The following BICC1 variants were observed in gnomAD, a reference collection of about 807,000 sequenced individuals.
BICC1 encodes protein bicaudal C homolog 1.
BICC1 carries 43 observed loss-of-function variants against 111.0 expected under a neutral mutation model. The ratio of observed to expected loss-of-function variants is 0.39; its 90% confidence interval spans 0.30 to 0.50. BICC1 has a LOEUF of 0.50. Ranked by LOEUF, BICC1 falls within the 20% of genes least tolerant of loss-of-function variation. The pLI is 0.88. For synonymous variants in BICC1, 467 were observed against 434.4 expected, an observed-to-expected ratio of 1.07 and a Z score of -0.93; for missense variants, 1,091 against 1,203.2, an observed-to-expected ratio of 0.91 and a Z score of 1.38.
At chr10:58,625,620 A>G (rs1235308491) in intron 2 of BICC1, among the ~76,000 whole-genome samples, 1 of 152,230 alleles carries the variant, frequency 6.6e-6, no homozygotes, top group Non-Finnish European at 1.5e-5. Context: ...CAGTAAGACT[A>G]AAACAATGAG....
intron 3 of BICC1, among the ~76,000 whole-genome samples, chr10:58,756,362 TG>T (rs879318459): frequency 4.3e-4 from 66 of 152,146 alleles, no homozygotes; most frequent in Non-Finnish European, 7.5e-4. Context: ...ATTTTGTGTG[TG>T]GGGGTGGAGA....
At chr10:58,513,836 AG>A (rs1842168655) in intron 1 of BICC1, among the ~76,000 whole-genome samples, 1 of 152,196 alleles carries the variant, frequency 6.6e-6, no homozygotes, top group Non-Finnish European at 1.5e-5. Flanking sequence ...TCAAGGCTTA[AG>A]ACAGGAGCTC....
rs1241518578 is a variant in BICC1 at position 58,783,249 on chromosome 10, G to A, written c.308-1752G>A. On this transcript the variant is annotated intron_variant, in intron 3 of 20. Coordinates refer to ENST00000373886, the MANE Select transcript of BICC1 (RefSeq NM_001080512.3). ...GAGACTCAAATTAGGCACAGCTGCTGGACATCTCCCCAGGAGGCCAGAGGC... is the reference window on the plus strand; with the variant it reads ...GAGACTCAAATTAGGCACAGCTGCTAGACATCTCCCCAGGAGGCCAGAGGC... Among the ~76,000 whole-genome samples, 3 of 152,136 alleles carry A rather than the reference G, an allele frequency of 2.0e-5. No homozygotes were observed. In the East Asian group the frequency reaches 5.8e-4, roughly 29 times the overall value.
At chr10:58,597,574 C>T (rs1397494309) in intron 1 of BICC1, among the ~76,000 whole-genome samples, 1 of 152,126 alleles carries the variant, frequency 6.6e-6, no homozygotes. Flanking sequence ...TTTACCAGGG[C>T]AGAGTTTCCC....
intron 2 of BICC1, among the ~76,000 whole-genome samples, chr10:58,621,563 A>G (rs973647664): frequency 2.6e-5 from 4 of 152,074 alleles, no homozygotes; most frequent in African/African-American, 9.7e-5. Flanking sequence ...CTGTAATCCC[A>G]CCACTTTGAG....
intron 1 of BICC1, among the ~76,000 whole-genome samples, chr10:58,596,883 A>C (rs1844832436): frequency 6.6e-6 from 1 of 152,170 alleles, no homozygotes. Context: ...ACTATAAACC[A>C]CTGCTCAAGG....
chr10:58,732,836 C>A (rs1438302710), intron 3 of BICC1, among the ~76,000 whole-genome samples: 1 of 151,970 alleles, frequency 6.6e-6, no homozygotes, highest in Non-Finnish European at 1.5e-5. Flanking sequence ...TGCTCCGAAA[C>A]AATTTACAAT....
At chr10:58,529,200 A>G (rs145935511) in intron 1 of BICC1, among the ~76,000 whole-genome samples, 3 of 151,984 alleles carry the variant, frequency 2.0e-5, no homozygotes, top group Middle Eastern at 3.4e-3. Flanking sequence ...TTTTTGTCAC[A>G]TTTTCCTTTT....
At chr10:58,693,259 G>A (rs1168688821) in intron 2 of BICC1, among the ~76,000 whole-genome samples, 6 of 152,150 alleles carry the variant, frequency 3.9e-5, no homozygotes, top group East Asian at 1.9e-4. Flanking sequence ...CCAGTCTATC[G>A]TTGTTGGACA....
chr10:58,594,380 A>G (rs368498526), intron 1 of BICC1, among the ~76,000 whole-genome samples: 3 of 152,294 alleles, frequency 2.0e-5, no homozygotes, highest in Non-Finnish European at 4.4e-5. Flanking sequence ...AGAGAACACC[A>G]TAAAGATACT....
In BICC1 at chr10:58,789,891, G is replaced by C. The variant is rs1187480950; in HGVS notation, c.1005G>C (p.Gln335His). 6.2e-7 allele frequency: 1 copy of C among 1,614,134 alleles called. No individual in the cohort carries two copies. Among genetic ancestry groups the C allele is most frequent in the Non-Finnish European group, 8.5e-7 (1 of 1,180,026 alleles). ...AAAAGAAATCTACCGTCTACCTCCA[G>C]GGCACCATTGAGTCTGTCTGTCTTG... ...NPQKKSTVYL[Q>H]GTIESVCLAR... Residue 335 changes from glutamine to histidine, a missense_variant, in exon 8 of 21, where the codon CAG becomes CAC. Gln to His is a conservative substitution (Grantham distance 24). This residue lies in a region of BICC1 where 843 missense variants were observed against 900.8 expected (regional missense o/e 0.94). Transcript: ENST00000373886.
chr10:58,655,819 T>C (rs1337625327), intron 2 of BICC1, among the ~76,000 whole-genome samples: 2 of 147,036 alleles, frequency 1.4e-5, no homozygotes, highest in Non-Finnish European at 3.0e-5. Context: ...TGGCTGTGGG[T>C]TTGTCATAGA....
chr10:58,773,694 G>C (rs1564605913), intron 3 of BICC1, among the ~76,000 whole-genome samples: 1 of 152,190 alleles, frequency 6.6e-6, no homozygotes, highest in East Asian at 1.9e-4. Flanking sequence ...AATAGCCCCA[G>C]GGCAGGGGCA....
chr10:58,738,185 T>C (rs980697021), intron 3 of BICC1, among the ~76,000 whole-genome samples: 1 of 152,214 alleles, frequency 6.6e-6, no homozygotes, highest in East Asian at 1.9e-4. Flanking sequence ...CTGAATGGTA[T>C]TGCCTAGGTT....
At chr10:58,539,971 G>A (rs1403112188) in intron 1 of BICC1, among the ~76,000 whole-genome samples, 2 of 151,688 alleles carry the variant, frequency 1.3e-5, no homozygotes, top group Admixed American at 1.3e-4. Flanking sequence ...AGTAGCACAA[G>A]AAAAACTAGA....
chr10:58,556,183 C>A (rs970211567), intron 1 of BICC1, among the ~76,000 whole-genome samples: 2 of 151,910 alleles, frequency 1.3e-5, no homozygotes, highest in African/African-American at 4.8e-5. Flanking sequence ...AATGTGAAAC[C>A]TTGAATATGT....
intron 3 of BICC1, among the ~76,000 whole-genome samples, chr10:58,726,247 A>T (rs1252209051): frequency 6.6e-6 from 1 of 152,208 alleles, no homozygotes; most frequent in African/African-American, 2.4e-5. Context: ...TCATTTAACC[A>T]GTTTTAATAA....
chr10:58,628,623 C>G (rs1416902308), intron 2 of BICC1, among the ~76,000 whole-genome samples: 1 of 152,094 alleles, frequency 6.6e-6, no homozygotes, highest in African/African-American at 2.4e-5. Context: ...ATCAGTGTCC[C>G]ATTTTAAAAG....
intron 1 of BICC1, among the ~76,000 whole-genome samples, chr10:58,536,564 G>A (rs137996075): frequency 1.5e-3 from 226 of 151,860 alleles, no homozygotes; most frequent in Middle Eastern, 3.4e-3. Flanking sequence ...CACAGCAAAA[G>A]CAGTGTTAAG....
Sources: gnomAD v4.1 joint callset for allele counts (sites outside exome capture counted in the v4.1 genomes callset) on GRCh38, gnomAD v4.1.1 for gene constraint, gnomAD v4.1.1 regional missense constraint, MANE v1.5 for transcripts, NCBI Gene and HGNC (gene_info 2026-07-23, HGNC 2026-07-21) for gene names.